The following KALRN variants were observed in gnomAD, a reference collection of about 807,000 sequenced individuals.
KALRN encodes the protein kalirin.
Under a neutral mutation model 353.7 loss-of-function variants are expected in KALRN, and 70 were observed. That is an observed-to-expected ratio of 0.20 (90% CI 0.16 to 0.24). The LOEUF (loss-of-function observed/expected upper bound fraction) is 0.24. Among genes scored for constraint, KALRN ranks in the 10% least tolerant of loss-of-function variants. The probability of loss-of-function intolerance (pLI) is 1.00; values close to 1 mark genes in which losing one functional copy is unlikely to be tolerated. For missense variants in KALRN, 2,791 were observed against 3,756.7 expected, an observed-to-expected ratio of 0.74 and a Z score of 6.72; for synonymous variants, 1,391 against 1,434.8, an observed-to-expected ratio of 0.97 and a Z score of 0.69.
At chr3:124,456,184 T>C (rs1250591509) in intron 22 of KALRN, among the ~76,000 whole-genome samples, 2 of 152,234 alleles carry the variant, frequency 1.3e-5, no homozygotes, top group African/African-American at 4.8e-5. Context: ...TAAATAAATA[T>C]ATTTGATTTG....
At chr3:124,526,790 T>TC (rs779547975) in intron 33 of KALRN, among the ~76,000 whole-genome samples, 2 of 151,966 alleles carry the variant, frequency 1.3e-5, no homozygotes, top group African/African-American at 2.4e-5. Flanking sequence ...GGCTAATACC[T>TC]CCCCCAGAGG....
At chr3:124,697,110 G>A (rs562364685) in intron 54 of KALRN, among the ~76,000 whole-genome samples, 1 of 152,160 alleles carries the variant, frequency 6.6e-6, no homozygotes, top group East Asian at 1.9e-4. Context: ...TTGTAGTGAT[G>A]GAGCCTCGAA....
chr3:124,294,520 CTTTTTTTTTT>C (rs397990993), intron 5 of KALRN, among the ~76,000 whole-genome samples: 2 of 73,894 alleles, frequency 2.7e-5, no homozygotes, highest in African/African-American at 5.1e-5. Context: ...AGATTCTCTT[CTTTTTTTTTT>C]TTTTTTTTTT....
chr3:124,109,746 CA>C (rs1559972641), intron 1 of KALRN, among the ~76,000 whole-genome samples: 1 of 113,106 alleles, frequency 8.8e-6, no homozygotes, highest in African/African-American at 3.5e-5. Flanking sequence ...ATATATATGA[CA>C]TATATATCAT....
rs2071472855 is a variant in KALRN, at chr3:124,253,554, C to T, written c.264-10944C>T. Among the ~76,000 whole-genome samples, 4 of 152,314 alleles carry T rather than the reference C, an allele frequency of 2.6e-5. No individual in the cohort carries two copies. The South Asian group carries it at 8.3e-4, about 32-fold the overall frequency. On this transcript the variant is annotated intron_variant, in intron 3 of 59. Coordinates refer to ENST00000682506, the MANE Select transcript of KALRN (RefSeq NM_001388419.1). The stretch of plus-strand genomic sequence containing the variant: ...CACTGTCAGCCCTGTAGGACCAAAG[C>T]TGTGCTATGGCAGGGCCAGTGCCAC...
intron 33 of KALRN, among the ~76,000 whole-genome samples, chr3:124,546,290 CAAAA>C (rs5852410): frequency 0.031 from 3,525 of 114,618 alleles, 81 homozygotes; most frequent in African/African-American, 0.076. Context: ...CCCCATCTCT[CAAAA>C]AAAAAAAAAA....
chr3:124,296,496 G>C (rs561396232), intron 5 of KALRN, among the ~76,000 whole-genome samples: 1 of 152,164 alleles, frequency 6.6e-6, no homozygotes, highest in South Asian at 2.1e-4. Context: ...CCGGGTCCTC[G>C]CCCTCGTCAG....
chr3:124,144,301 G>A (rs2067007398), intron 1 of KALRN, among the ~76,000 whole-genome samples: 1 of 152,112 alleles, frequency 6.6e-6, no homozygotes, highest in African/African-American at 2.4e-5. Context: ...ACCTGGGGCA[G>A]CCCCAGGCAC....
chr3:124,130,004 C>G (rs1254252342), intron 1 of KALRN, among the ~76,000 whole-genome samples: 2 of 152,172 alleles, frequency 1.3e-5, no homozygotes, highest in Non-Finnish European at 2.9e-5. Context: ...AACTGATTAA[C>G]ATTTGCCAAG....
intron 49 of KALRN, among the ~76,000 whole-genome samples, chr3:124,676,953 T>C (rs1044996567): frequency 8.5e-5 from 13 of 152,188 alleles, no homozygotes; most frequent in Admixed American, 6.5e-5. Flanking sequence ...GATTCAAGAA[T>C]ATTACTGTGA....
chr3:124,446,097 T>C (rs1483289218), intron 19 of KALRN, 64 bp from the exon 20 acceptor site: 13 of 1,046,524 alleles, frequency 1.2e-5, no homozygotes, highest in Non-Finnish European at 1.9e-5. Context: ...GCCGTGGGGC[T>C]GAAGGGGTTG....
chr3:124,617,482 C>T (rs1475914601), intron 34 of KALRN, among the ~76,000 whole-genome samples: 2 of 152,228 alleles, frequency 1.3e-5, no homozygotes, highest in East Asian at 3.8e-4. Flanking sequence ...AAAAGGAGAA[C>T]ATGCTGGGCT....
chr3:124,087,789 T>C (rs2060900235), intron 1 of KALRN, among the ~76,000 whole-genome samples: 1 of 152,116 alleles, frequency 6.6e-6, no homozygotes, highest in Non-Finnish European at 1.5e-5. Flanking sequence ...GGCCTTTCCA[T>C]GTAGCTTAGC....
At chr3:124,131,038 C>T (rs1289597952) in intron 1 of KALRN, among the ~76,000 whole-genome samples, 1 of 152,152 alleles carries the variant, frequency 6.6e-6, no homozygotes, top group Non-Finnish European at 1.5e-5. Context: ...TAGTGTATAA[C>T]ATATGCAGAA....
chr3:124,174,427 CTG>C (rs2150138704), intron 1 of KALRN, among the ~76,000 whole-genome samples: 1 of 152,246 alleles, frequency 6.6e-6, no homozygotes, highest in East Asian at 1.9e-4. Context: ...GAGCAAGACT[CTG>C]TCTTAAAAAA....
At chr3:124,248,261 C>G (rs537826472) in intron 3 of KALRN, among the ~76,000 whole-genome samples, 7 of 152,234 alleles carry the variant, frequency 4.6e-5, no homozygotes, top group South Asian at 2.1e-4. Flanking sequence ...TTCACCCCCC[C>G]CATACTCCTT....
Position 124,592,309 on chromosome 3 carries a change from CAAAA to C in KALRN, c.5182+29237_5182+29240del, listed in dbSNP as rs10575664. 6.5e-3 allele frequency among the ~76,000 whole-genome samples: 787 copies of C among 120,660 alleles called. 7 individuals carry two copies. Among genetic ancestry groups the C allele is most frequent in the African/African-American group, 0.021 (683 of 32,282 alleles). The allele number at this position is 120,660 out of a possible 152,430, so 79.2% of individuals were successfully genotyped here. The stretch of plus-strand genomic sequence containing the variant: ...AGAGCAAGACTCCGTCTCAAAGAAA[CAAAA>C]AAAAAAAAAAAAAAAAGAAAAAATC... On this transcript the variant is annotated intron_variant, in intron 34 of 59. Coordinates refer to ENST00000682506, the MANE Select transcript of KALRN (RefSeq NM_001388419.1).
chr3:124,450,331 A>T (rs1451219526), intron 21 of KALRN, among the ~76,000 whole-genome samples: 1 of 152,190 alleles, frequency 6.6e-6, no homozygotes, highest in Non-Finnish European at 1.5e-5. Flanking sequence ...TGGTAATTTC[A>T]TCTCTGAAAA....
At chr3:124,672,013 A>ATC (rs2086525834) in intron 48 of KALRN, 115 bp downstream of exon 48, 1 of 797,846 alleles carries the variant, frequency 1.3e-6, no homozygotes, top group Non-Finnish European at 2.1e-6. Context: ...CAATGGCACC[A>ATC]TCTCAGCTCA....
Sources: gnomAD v4.1 joint callset for allele counts (sites outside exome capture counted in the v4.1 genomes callset) on GRCh38, gnomAD v4.1.1 for gene constraint, MANE v1.5 for transcripts, NCBI Gene and HGNC (gene_info 2026-07-23, HGNC 2026-07-21) for gene names.